Variants in TOPAZ1 observed in about 807,000 individuals in gnomAD.
TOPAZ1 encodes testis and ovary specific TOPAZ 1.
TOPAZ1 carries 66 observed loss-of-function variants against 172.2 expected under a neutral mutation model. The observed-to-expected ratio is 0.38, with a 90% CI of 0.31 to 0.47. The LOEUF is 0.47. TOPAZ1 is among the 20% of genes least tolerant of loss of function. The pLI is 0.99. For missense variants in TOPAZ1, 1,822 were observed against 1,972.4 expected (o/e 0.92, Z 1.44); for synonymous variants, 681 against 683.9 (o/e 1.00, Z 0.07).
At chr3:44,280,623 T>A (rs919606835) in intron 8 of TOPAZ1, among the ~76,000 whole-genome samples, 1 of 152,208 alleles carries the variant, frequency 6.6e-6, no homozygotes, top group East Asian at 1.9e-4. Flanking sequence ...ATTACAGGCA[T>A]GAGCTGCTGT....
intron 12 of TOPAZ1, among the ~76,000 whole-genome samples, chr3:44,302,396 C>T (rs1700282387): frequency 6.6e-6 from 1 of 152,092 alleles, no homozygotes; most frequent in Non-Finnish European, 1.5e-5. Context: ...GGTGACAGAG[C>T]AAGACTCCAT....
At chr3:44,296,407 G>A (rs1700194484) in intron 12 of TOPAZ1, among the ~76,000 whole-genome samples, 1 of 119,476 alleles carries the variant, frequency 8.4e-6, no homozygotes, top group South Asian at 3.1e-4. Flanking sequence ...AAATTAACAA[G>A]CCTCTAGCAA....
chr3:44,268,327 TG>T (rs1222182182), intron 6 of TOPAZ1, among the ~76,000 whole-genome samples: 1 of 150,350 alleles, frequency 6.7e-6, no homozygotes, highest in African/African-American at 2.4e-5. Context: ...TTTTCCTTGG[TG>T]TGTGCAAGGA....
At chr3:44,275,811 C>T (rs1468937483) in intron 8 of TOPAZ1, among the ~76,000 whole-genome samples, 1 of 151,994 alleles carries the variant, frequency 6.6e-6, no homozygotes, top group Non-Finnish European at 1.5e-5. Flanking sequence ...ATTTACATTC[C>T]CACCAACAGT....
In TOPAZ1 at chr3:44,256,284, A is replaced by G. The variant is rs2125680485; in HGVS notation, c.2955+6A>G. ...GTTCAGACTTGGATGAAAAGGTACT[A>G]GGGGATCTTTTGTGTTTTTTTATTT... On this transcript the variant is annotated splice_donor_region_variant and intron_variant, in intron 4 of 19. Transcript: ENST00000309765. 1.3e-6 allele frequency: 2 copies of G among 1,510,408 alleles called. No individual in the cohort carries two copies. The highest frequency in any genetic ancestry group is 5.2e-5 in the East Asian group (2 of 38,792). The allele number at this position is 1,510,408 out of a possible 1,614,324, so 93.6% of individuals were successfully genotyped here.
At chr3:44,272,931 G>C (rs1559533128) in intron 8 of TOPAZ1, among the ~76,000 whole-genome samples, 1 of 152,124 alleles carries the variant, frequency 6.6e-6, no homozygotes, top group Non-Finnish European at 1.5e-5. Context: ...ATATATTTTA[G>C]ATACTAACCC....
At chr3:44,275,255 T>C (rs960690703) in intron 8 of TOPAZ1, among the ~76,000 whole-genome samples, 2 of 152,050 alleles carry the variant, frequency 1.3e-5, no homozygotes, top group African/African-American at 4.8e-5. Flanking sequence ...AATACATTGT[T>C]GCTAACTATA....
chr3:44,332,133 T>A, downstream of TOPAZ1: 1 of 661,622 alleles, frequency 1.5e-6, no homozygotes, highest in African/African-American at 1.8e-5. Flanking sequence ...TACAGCAAGT[T>A]AATAGTTTTA....
chr3:44,312,326 A>G (rs1318724752), intron 16 of TOPAZ1, among the ~76,000 whole-genome samples: 2 of 152,148 alleles, frequency 1.3e-5, no homozygotes, highest in African/African-American at 4.8e-5. Flanking sequence ...TTGCTTATAT[A>G]CCCTTAAAAT....
intron 16 of TOPAZ1, among the ~76,000 whole-genome samples, chr3:44,317,252 C>T (rs1344393370): frequency 6.6e-6 from 1 of 152,014 alleles, no homozygotes; most frequent in Non-Finnish European, 1.5e-5. Flanking sequence ...GAAACCCTGT[C>T]GCTAAGAAAA....
intron 4 of TOPAZ1, among the ~76,000 whole-genome samples, chr3:44,257,467 A>AGTGTG (rs1185779331): frequency 2.0e-4 from 21 of 106,070 alleles, no homozygotes; most frequent in African/African-American, 6.6e-4. Flanking sequence ...ATATATATAT[A>AGTGTG]TAGTGTGTGT....
At chr3:44,293,478 G>T (rs1345158660) in intron 12 of TOPAZ1, among the ~76,000 whole-genome samples, 1 of 152,012 alleles carries the variant, frequency 6.6e-6, no homozygotes, top group Admixed American at 6.6e-5. Flanking sequence ...GTTCTCTGTA[G>T]GCCTAGGCTA....
chr3:44,256,546 A>G (rs563083158), intron 4 of TOPAZ1, among the ~76,000 whole-genome samples: 2 of 152,286 alleles, frequency 1.3e-5, no homozygotes, highest in South Asian at 4.1e-4. Context: ...CAAACCTATG[A>G]AAGTCTTTCT....
At chr3:44,275,973 A>G (rs543717957) in intron 8 of TOPAZ1, among the ~76,000 whole-genome samples, 4 of 151,144 alleles carry the variant, frequency 2.6e-5, no homozygotes, top group Admixed American at 2.0e-4. Flanking sequence ...ATTCTTTCAT[A>G]TACCTGTTAG....
chr3:44,323,537 G>A (rs975513445), intron 18 of TOPAZ1, among the ~76,000 whole-genome samples: 1 of 152,128 alleles, frequency 6.6e-6, no homozygotes, highest in African/African-American at 2.4e-5. Context: ...ACAGTAGCCT[G>A]TCCGCTAGAG....
chr3:44,257,469 AGTGTGTGTGTGTGTGTGTGTGT>A lies in TOPAZ1; in HGVS notation c.2955+1211_2955+1232del, dbSNP rs10523650. On this transcript the variant is annotated intron_variant, in intron 4 of 19. Transcript: ENST00000309765. ...GTGTATCTATTTTATATATATATATAGTGTGTGTGTGTGTGTGTGTGTGTGTGTGTGTGTGTGTGTGAATGAT... is the reference window on the plus strand; with the variant it reads ...GTGTATCTATTTTATATATATATATAGTGTGTGTGTGTGTGTGTGAATGAT... Among the ~76,000 whole-genome samples, 95 of 113,842 alleles carry A rather than the reference AGTGTGTGTGTGTGTGTGTGTGT, an allele frequency of 8.3e-4. 2 individuals carry two copies. Among genetic ancestry groups the A allele is most frequent in the East Asian group, 3.9e-3 (19 of 4,812 alleles). 74.7% of individuals were successfully genotyped at this position (113,842 alleles called of 152,430 possible).
At chr3:44,323,708 G>A (rs895605652) in intron 18 of TOPAZ1, among the ~76,000 whole-genome samples, 1 of 152,170 alleles carries the variant, frequency 6.6e-6, no homozygotes, top group African/African-American at 2.4e-5. Flanking sequence ...TCAATAGCAG[G>A]TCACATCAGA....
chr3:44,275,015 A>G (rs1039435477), intron 8 of TOPAZ1, among the ~76,000 whole-genome samples: 2 of 151,786 alleles, frequency 1.3e-5, no homozygotes, highest in Non-Finnish European at 2.9e-5. Context: ...GCATGTGGCA[A>G]AATATCCCAT....
chr3:44,328,203 T>C, intron 18 of TOPAZ1, 47 bp from the exon 19 acceptor site: 1 of 1,265,120 alleles, frequency 7.9e-7, no homozygotes, highest in Non-Finnish European at 1.1e-6. Flanking sequence ...TCTAGGTTTT[T>C]ACCTATTGGG....
Sources: allele counts gnomAD v4.1 joint callset (sites outside exome capture counted in the v4.1 genomes callset), GRCh38; gene constraint gnomAD v4.1.1; transcripts MANE v1.5; gene names NCBI Gene and HGNC (gene_info 2026-07-23, HGNC 2026-07-21).